The following CSMD3 variants were observed in gnomAD, a reference collection of about 807,000 sequenced individuals.
CSMD3 encodes CUB and sushi domain-containing protein 3.
A neutral mutation model predicts 435.2 loss-of-function variants in CSMD3; 177 were observed. The ratio of observed to expected loss-of-function variants is 0.41; its 90% CI spans 0.36 to 0.46. CSMD3 has a LOEUF of 0.46. Ranked by LOEUF, CSMD3 falls within the 20% of genes least tolerant of loss-of-function variation. The pLI is 0.34. For missense variants in CSMD3, 4,265 were observed against 4,504.6 expected (o/e 0.95, Z 1.52); for synonymous variants, 1,656 against 1,520.5 (o/e 1.09, Z -2.07).
In CSMD3 at chr8:112,831,902, A is replaced by G. The variant is rs891214567; in HGVS notation, c.1756-2113T>C. Among the ~76,000 whole-genome samples the G allele has an allele frequency of 5.9e-5, 9 of 152,290 alleles. No individual in the cohort carries two copies. In the South Asian group the frequency reaches 6.2e-4, roughly 11 times the overall value. On this transcript the variant is annotated intron_variant, in intron 11 of 70. Coordinates refer to ENST00000297405, the MANE Select transcript of CSMD3 (RefSeq NM_198123.2). ...TCTTAGTTCTACCTGTGGCTCACTC[A>G]TAGTACACCACTGGATCTGGCTCAC...
chr8:112,370,073 AAGAAGAAGAAGTAGT>A (rs1828224552), intron 38 of CSMD3, among the ~76,000 whole-genome samples: 1 of 139,692 alleles, frequency 7.2e-6, no homozygotes, highest in Non-Finnish European at 1.6e-5. Flanking sequence ...GAAGAAGAAG[AAGAAGAAGAAGTAGT>A]AGTAGTAGTA....
intron 5 of CSMD3, among the ~76,000 whole-genome samples, chr8:113,089,919 T>C (rs1325210074): frequency 1.3e-5 from 2 of 152,110 alleles, no homozygotes; most frequent in African/African-American, 4.8e-5. Flanking sequence ...TGACTAACCA[T>C]GATGACTGTT....
In CSMD3 at chr8:112,924,302, A is replaced by G. The variant is rs74665386; in HGVS notation, c.1509-2551T>C. ...TTTTCATGGAGATGTTATGATGGCA[A>G]CAAGTATTAGAAAAGTAGTAGCTAC... On this transcript the variant is annotated intron_variant, in intron 9 of 70. Coordinates refer to ENST00000297405, the MANE Select transcript of CSMD3 (RefSeq NM_198123.2). 5.6e-3 allele frequency among the ~76,000 whole-genome samples: 851 copies of G among 152,308 alleles called. 12 individuals are homozygous for G. Among genetic ancestry groups the G allele is most frequent in the African/African-American group, 0.02 (818 of 41,576 alleles).
intron 32 of CSMD3, among the ~76,000 whole-genome samples, chr8:112,422,150 A>C (rs1475172805): frequency 6.6e-6 from 1 of 152,162 alleles, no homozygotes; most frequent in Admixed American, 6.6e-5. Context: ...CAAACACAAC[A>C]ATTAAGACAC....
intron 24 of CSMD3, among the ~76,000 whole-genome samples, chr8:112,560,015 T>C (rs1052634066): frequency 5.9e-5 from 9 of 151,968 alleles, no homozygotes; most frequent in African/African-American, 1.7e-4. Context: ...TTTATAGGCA[T>C]AGATTCTTGA....
intron 6 of CSMD3, among the ~76,000 whole-genome samples, chr8:113,015,537 T>C (rs950354660): frequency 2.6e-5 from 4 of 151,876 alleles, no homozygotes; most frequent in African/African-American, 9.7e-5. Context: ...ATATTTAAAA[T>C]TGATTAAATA....
chr8:112,400,713 G>A (rs1586198697), intron 35 of CSMD3, among the ~76,000 whole-genome samples: 1 of 152,066 alleles, frequency 6.6e-6, no homozygotes, highest in Non-Finnish European at 1.5e-5. Flanking sequence ...TTTAGTTCCT[G>A]GTGTTAGCTA....
At chr8:112,784,889 G>A (rs754392848) in intron 13 of CSMD3, among the ~76,000 whole-genome samples, 6 of 151,522 alleles carry the variant, frequency 4.0e-5, no homozygotes, top group Non-Finnish European at 8.8e-5. Flanking sequence ...AGAGGATGAG[G>A]GTATATGTCC....
At chr8:113,233,792 C>A (rs1309799966) in intron 3 of CSMD3, among the ~76,000 whole-genome samples, 1 of 151,884 alleles carries the variant, frequency 6.6e-6, no homozygotes, top group Non-Finnish European at 1.5e-5. Context: ...AGGCAATAAG[C>A]ATAATTTTTT....
intron 3 of CSMD3, among the ~76,000 whole-genome samples, chr8:113,200,134 A>T (rs79433883): frequency 0.023 from 3,503 of 151,984 alleles, 67 homozygotes; most frequent in Non-Finnish European, 0.037. Context: ...AATAACCGGC[A>T]GCATTTTACC....
intron 13 of CSMD3, among the ~76,000 whole-genome samples, chr8:112,733,833 A>T (rs1309938313): frequency 6.6e-6 from 1 of 152,062 alleles, no homozygotes; most frequent in African/African-American, 2.4e-5. Flanking sequence ...TGGGCAACAC[A>T]TAATGTCTGT....
chr8:113,330,197 AT>A (rs1255621349), intron 1 of CSMD3, among the ~76,000 whole-genome samples: 3 of 152,112 alleles, frequency 2.0e-5, no homozygotes, highest in African/African-American at 7.2e-5. Context: ...ATGAAAGCAC[AT>A]TGCTGCAAAT....
chr8:113,246,552 C>CT (rs1393330535), intron 3 of CSMD3, among the ~76,000 whole-genome samples: 3 of 151,920 alleles, frequency 2.0e-5, no homozygotes, highest in Admixed American at 2.0e-4. Context: ...AAGTCTTTGT[C>CT]TAGTAAGTCC....
chr8:112,787,753 G>T (rs1317639521), intron 13 of CSMD3, among the ~76,000 whole-genome samples: 1 of 152,088 alleles, frequency 6.6e-6, no homozygotes, highest in Non-Finnish European at 1.5e-5. Context: ...TGAACTCATG[G>T]AGATAGAGAG....
intron 20 of CSMD3, among the ~76,000 whole-genome samples, chr8:112,643,208 G>A (rs553052618): frequency 3.3e-5 from 5 of 152,102 alleles, no homozygotes; most frequent in Admixed American, 6.5e-5. Context: ...CAGGGATAAC[G>A]GCTGCAGAAT....
chr8:112,887,022 C>G (rs572933716), intron 10 of CSMD3, among the ~76,000 whole-genome samples: 1 of 151,532 alleles, frequency 6.6e-6, no homozygotes, highest in African/African-American at 2.4e-5. Flanking sequence ...AATCTTGGCT[C>G]TACTTTCAAG....
chr8:113,391,107 C>A (rs2094459465), intron 1 of CSMD3, among the ~76,000 whole-genome samples: 1 of 151,858 alleles, frequency 6.6e-6, no homozygotes, highest in Middle Eastern at 3.2e-3. Context: ...TCTCGCATAT[C>A]CCATTAGAAT....
At chr8:113,225,694 G>C (rs72687665) in intron 3 of CSMD3, among the ~76,000 whole-genome samples, 9,952 of 151,532 alleles carry the variant, frequency 0.066, 440 homozygotes, top group Non-Finnish European at 0.094. Flanking sequence ...ATGAATGTCA[G>C]ATGAGTAACA....
chr8:112,524,242 T>C (rs1461477868), intron 27 of CSMD3, among the ~76,000 whole-genome samples: 2 of 151,880 alleles, frequency 1.3e-5, no homozygotes, highest in Non-Finnish European at 2.9e-5. Flanking sequence ...CAAAAGGATC[T>C]GTACAAGAAA....
Sources: allele counts gnomAD v4.1 joint callset (sites outside exome capture counted in the v4.1 genomes callset), GRCh38; gene constraint gnomAD v4.1.1; transcripts MANE v1.5; gene names NCBI Gene and HGNC (gene_info 2026-07-23, HGNC 2026-07-21).